The following DMTF1 variants were observed in gnomAD, a reference collection of about 807,000 sequenced individuals.
DMTF1 encodes cyclin D binding myb like transcription factor 1, also known as cyclin-D-binding Myb-like transcription factor 1.
In DMTF1, 39 loss-of-function variants were observed where a neutral mutation model predicts 91.1. The ratio of observed to expected loss-of-function variants is 0.43; its 90% CI spans 0.33 to 0.56. DMTF1 has a LOEUF of 0.56. Among genes scored for constraint, DMTF1 ranks in the 20% least tolerant of loss-of-function variants. The pLI is 0.05. For synonymous variants in DMTF1, 338 were observed against 309.5 expected, an observed-to-expected ratio of 1.09 and a Z score of -0.97; for missense variants, 750 against 914.5, an observed-to-expected ratio of 0.82 and a Z score of 2.32.
intron 1 of DMTF1, among the ~76,000 whole-genome samples, chr7:87,155,121 A>T (rs1790334359): frequency 6.6e-6 from 1 of 152,206 alleles, no homozygotes; most frequent in Non-Finnish European, 1.5e-5. Flanking sequence ...ATTCCTAAGG[A>T]TTTACTGCCT....
chr7:87,194,270 G>C, intron 16 of DMTF1, 168 bp downstream of exon 16: 1 of 688,362 alleles, frequency 1.5e-6, no homozygotes, highest in Non-Finnish European at 2.3e-6. Context: ...TCCTGTGGCA[G>C]TCAGGAAGAA....
At chr7:87,157,424 T>C (rs1791050131) in intron 1 of DMTF1, among the ~76,000 whole-genome samples, 1 of 152,160 alleles carries the variant, frequency 6.6e-6, no homozygotes, top group African/African-American at 2.4e-5. Flanking sequence ...CATACTTGTA[T>C]CAGTACTGTA....
At chr7:87,192,949 C>A in intron 14 of DMTF1, 1 of 418,774 alleles carries the variant, frequency 2.4e-6, no homozygotes, top group Non-Finnish European at 4.3e-6. Flanking sequence ...AACAGTGGCT[C>A]ATACAACTGT....
intron 8 of DMTF1, 48 bp from the exon 9 acceptor site, chr7:87,181,261 G>A (rs1446020970): frequency 1.0e-5 from 9 of 857,682 alleles, no homozygotes; most frequent in East Asian, 2.5e-5. Context: ...GAGGTTTTTA[G>A]CATTCATTGT....
chr7:87,177,224 CATTT>C (rs1796444891), intron 7 of DMTF1, among the ~76,000 whole-genome samples: 1 of 152,020 alleles, frequency 6.6e-6, no homozygotes, highest in African/African-American at 2.4e-5. Context: ...TATCCTTACC[CATTT>C]ATTTAGGTGT....
intron 2 of DMTF1, among the ~76,000 whole-genome samples, chr7:87,164,054 TAA>T (rs61634018): frequency 0.66 from 48,503 of 73,606 alleles, 14,822 homozygotes; most frequent in Middle Eastern, 0.79. Context: ...ACGCCTTCTC[TAA>T]AAAAAAAAAA....
At chr7:87,174,125 C>T (rs1022542045) in intron 6 of DMTF1, among the ~76,000 whole-genome samples, 2 of 152,074 alleles carry the variant, frequency 1.3e-5, no homozygotes, top group African/African-American at 2.4e-5. Flanking sequence ...AGCAGAAAAA[C>T]GTAAATAATT....
rs528320186 is a variant in DMTF1, at chr7:87,168,976, C to T, written c.233-2019C>T. The stretch of plus-strand genomic sequence containing the variant: ...CCCACTACCACAAATACATACCTAC[C>T]TGCATCTATGTCCATCCATATATTT... On this transcript the variant is annotated intron_variant, in intron 4 of 17. Transcript: ENST00000331242. Among the ~76,000 whole-genome samples, 7 of 152,306 alleles carry T rather than the reference C, an allele frequency of 4.6e-5. 2 individuals carry two copies. Among genetic ancestry groups the T allele is most frequent in the African/African-American group, 1.4e-4 (6 of 41,560 alleles).
intron 9 of DMTF1, among the ~76,000 whole-genome samples, chr7:87,181,582 G>A (rs1797394179): frequency 6.6e-6 from 1 of 152,088 alleles, no homozygotes; most frequent in Admixed American, 6.6e-5. Context: ...CACTAATAGG[G>A]GTTCCAGAAA....
rs202076135 is a variant in DMTF1 at position 87,190,978 on chromosome 7, A to G, written c.1445A>G (p.Glu482Gly). Reference sequence around the variant, plus strand: ...GACTCTCCTGCTACCGTTGACTCAGAAACAATAACACTAAACAGTGGAACA... The same window carrying G: ...GACTCTCCTGCTACCGTTGACTCAGGAACAATAACACTAAACAGTGGAACA... Reference protein sequence around the residue: ...SADSPATVDSETITLNSGTLQ... With the variant: ...SADSPATVDSGTITLNSGTLQ... The change falls in exon 14 of 18, where the codon GAA (glutamate) becomes GGA (glycine). Residue 482 changes from glutamate (E) to glycine (G), a missense_variant. Around this residue, in one of 3 missense-constraint regions of DMTF1, gnomAD observed 410 missense variants for 420.2 expected, o/e 0.98. Coordinates refer to ENST00000331242, the MANE Select transcript of DMTF1 (RefSeq NM_001142327.2). The G allele has an allele frequency of 6.2e-7, 1 of 1,611,072 alleles. No homozygotes were observed. Among genetic ancestry groups the G allele is most frequent in the East Asian group, 2.2e-5 (1 of 44,768 alleles).
intron 12 of DMTF1, chr7:87,187,872 C>T: frequency 1.8e-6 from 1 of 541,530 alleles, no homozygotes; most frequent in Non-Finnish European, 3.3e-6. Context: ...TCTTAGATGG[C>T]AAGAATAACA....
chr7:87,161,724 T>G (rs903894912), intron 1 of DMTF1, among the ~76,000 whole-genome samples: 2 of 152,216 alleles, frequency 1.3e-5, no homozygotes, highest in African/African-American at 4.8e-5. Flanking sequence ...GTGGATTAAC[T>G]GGGGTCCTGA....
At chr7:87,166,705 G>A in intron 4 of DMTF1, 100 bp downstream of exon 4, 1 of 1,182,678 alleles carries the variant, frequency 8.5e-7, no homozygotes, top group Non-Finnish European at 1.2e-6. Context: ...TGGACTTACT[G>A]CTTTTTTCTT....
At chr7:87,181,885 A>G in intron 9 of DMTF1, 1 of 543,108 alleles carries the variant, frequency 1.8e-6, no homozygotes, top group South Asian at 2.0e-5. Flanking sequence ...TAGATGTCTA[A>G]AGAAGAGTTT....
intron 12 of DMTF1, 173 bp downstream of exon 12, chr7:87,186,153 CTGTT>C: frequency 1.6e-6 from 1 of 638,982 alleles, no homozygotes; most frequent in East Asian, 2.8e-5. Flanking sequence ...AGAGTTAATA[CTGTT>C]TGTAATTCCT....
chr7:87,174,856 C>A (rs1245037518), intron 7 of DMTF1, among the ~76,000 whole-genome samples, 187 bp downstream of exon 7: 1 of 152,034 alleles, frequency 6.6e-6, no homozygotes, highest in East Asian at 1.9e-4. Context: ...ATTTTGAATT[C>A]TCAGTTTAAA....
In DMTF1 at chr7:87,188,094, T is replaced by C; in HGVS notation, c.1204T>C (p.Leu402=). ...ANHKDVSFPV[L]IKGLKQLHEN... is the part of the protein sequence containing the mutation. ...TTTGTCTACCCATCTCCCTTCAGTCTTAATAAAAGGTCTTAAACAGTTACA... is the reference window on the plus strand; with the variant it reads ...TTTGTCTACCCATCTCCCTTCAGTCCTAATAAAAGGTCTTAAACAGTTACA... The change falls in exon 13 of 18, where the codon TTA becomes CTA. Residue 402 remains leucine, a splice_region_variant and synonymous_variant. Coordinates refer to ENST00000331242, the MANE Select transcript of DMTF1 (RefSeq NM_001142327.2). The C allele has an allele frequency of 6.2e-7, 1 of 1,613,216 alleles. No homozygotes were observed. Among genetic ancestry groups the C allele is most frequent in the East Asian group, 2.2e-5 (1 of 44,846 alleles).
chr7:87,187,048 T>C (rs1476837840), intron 12 of DMTF1: 1 of 152,210 alleles, frequency 6.6e-6, no homozygotes, highest in African/African-American at 2.4e-5. Context: ...AGATCTTAAG[T>C]TGGGTTTGCT....
At chr7:87,166,075 C>G (rs1356772868) in intron 3 of DMTF1, among the ~76,000 whole-genome samples, 1 of 152,122 alleles carries the variant, frequency 6.6e-6, no homozygotes, top group African/African-American at 2.4e-5. Flanking sequence ...GCCCATAGGC[C>G]CCAGTCATTT....
Sources: allele counts gnomAD v4.1 joint callset (sites outside exome capture counted in the v4.1 genomes callset), GRCh38; gene constraint gnomAD v4.1.1; regional missense constraint gnomAD v4.1.1; transcripts MANE v1.5; gene names NCBI Gene and HGNC (gene_info 2026-07-23, HGNC 2026-07-21).